Variants in GALNTL6 observed in about 807,000 individuals in gnomAD.
The protein encoded by GALNTL6 is polypeptide N-acetylgalactosaminyltransferase-like 6.
GALNTL6 carries 46 observed loss-of-function variants against 73.7 expected under a neutral mutation model. The observed-to-expected ratio is 0.62, with a 90% confidence interval of 0.49 to 0.80. The LOEUF is 0.80. Ranked by LOEUF, GALNTL6 falls within the 30% of genes least tolerant of loss-of-function variation. The pLI, the probability that GALNTL6 is intolerant of heterozygous loss-of-function variation, is 0.00. For synonymous variants in GALNTL6, 259 were observed against 263.7 expected (o/e 0.98, Z 0.17); for missense variants, 604 against 755.0 (o/e 0.80, Z 2.34).
chr4:172,314,587 C>G (rs1740475938), intron 4 of GALNTL6, among the ~76,000 whole-genome samples: 1 of 146,788 alleles, frequency 6.8e-6, no homozygotes, highest in Non-Finnish European at 1.5e-5. Context: ...TTTCAGAAAT[C>G]CTAATGCGTA....
At chr4:172,226,589 C>CTG (rs150604186) in intron 2 of GALNTL6, among the ~76,000 whole-genome samples, 57,163 of 117,490 alleles carry the variant, frequency 0.49, 10,964 homozygotes, top group Admixed American at 0.53. Context: ...GTCTGTGTGT[C>CTG]TGTGTGTGTG....
intron 2 of GALNTL6, among the ~76,000 whole-genome samples, chr4:171,967,167 G>A (rs183288126): frequency 1.9e-4 from 29 of 152,238 alleles, no homozygotes; most frequent in African/African-American, 3.1e-4. Flanking sequence ...AACTGATACC[G>A]TATTGTAAAA....
At chr4:172,923,621 C>T (rs1174068780) in intron 8 of GALNTL6, among the ~76,000 whole-genome samples, 1 of 152,282 alleles carries the variant, frequency 6.6e-6, no homozygotes, top group East Asian at 1.9e-4. Context: ...TCCAACACTG[C>T]CCCATGTGTG....
intron 5 of GALNTL6, among the ~76,000 whole-genome samples, chr4:172,801,276 A>G (rs1467472135): frequency 6.6e-6 from 1 of 152,222 alleles, no homozygotes; most frequent in Non-Finnish European, 1.5e-5. Flanking sequence ...TATTACCAAA[A>G]TGCCAAAATA....
At position 171,984,339 on chromosome 4, in the gene GALNTL6, T is replaced by C. The variant is rs114888081; in HGVS notation, c.138+169621T>C. Among the ~76,000 whole-genome samples the C allele has an allele frequency of 1.8e-3, 281 of 152,288 alleles. 1 individual carries two copies. Among genetic ancestry groups the C allele is most frequent in the African/African-American group, 6.4e-3 (265 of 41,564 alleles). On this transcript the variant is annotated intron_variant, in intron 2 of 12. Coordinates refer to ENST00000506823, the MANE Select transcript of GALNTL6 (RefSeq NM_001034845.3). ...TACCAGCTTCCTGTCTTAAGGGTCT[T>C]GCTTTGCTTTTGGAGCAGAAAGCAG...
chr4:171,982,714 T>C (rs1739942670), intron 2 of GALNTL6, among the ~76,000 whole-genome samples: 1 of 152,206 alleles, frequency 6.6e-6, no homozygotes, highest in Non-Finnish European at 1.5e-5. Context: ...AACATTTGAC[T>C]TACAAAGTTT....
chr4:171,989,335 A>G (rs960028789), intron 2 of GALNTL6, among the ~76,000 whole-genome samples: 1 of 152,192 alleles, frequency 6.6e-6, no homozygotes, highest in Non-Finnish European at 1.5e-5. Flanking sequence ...AGTCAGTCAG[A>G]GAGCCTTGGG....
intron 5 of GALNTL6, among the ~76,000 whole-genome samples, chr4:172,618,668 A>G (rs1738837833): frequency 6.6e-6 from 1 of 152,118 alleles, no homozygotes; most frequent in Admixed American, 6.5e-5. Flanking sequence ...TTCTGTACCT[A>G]GAGATGATGT....
intron 5 of GALNTL6, among the ~76,000 whole-genome samples, chr4:172,651,782 G>T (rs928163228): frequency 2.6e-5 from 4 of 152,190 alleles, no homozygotes; most frequent in African/African-American, 9.7e-5. Flanking sequence ...CTACAACACA[G>T]AAAGTAAAAT....
intron 8 of GALNTL6, among the ~76,000 whole-genome samples, chr4:172,928,419 C>A (rs1382120830): frequency 6.6e-6 from 1 of 152,146 alleles, no homozygotes; most frequent in Non-Finnish European, 1.5e-5. Flanking sequence ...GTGAGCATTA[C>A]ATGAAATAAT....
chr4:172,123,828 TA>T (rs1273281854), intron 2 of GALNTL6, among the ~76,000 whole-genome samples: 1 of 152,190 alleles, frequency 6.6e-6, no homozygotes, highest in Non-Finnish European at 1.5e-5. Flanking sequence ...ATCAGTTAAT[TA>T]ATCTCTGTAA....
intron 8 of GALNTL6, among the ~76,000 whole-genome samples, chr4:172,911,354 T>G (rs1747191802): frequency 6.6e-6 from 1 of 152,202 alleles, no homozygotes; most frequent in Admixed American, 6.5e-5. Flanking sequence ...TCTAAAATAT[T>G]TTATATACCT....
chr4:172,942,589 A>T (rs1748966512), intron 9 of GALNTL6, among the ~76,000 whole-genome samples: 1 of 152,176 alleles, frequency 6.6e-6, no homozygotes, highest in Admixed American at 6.6e-5. Context: ...AACCATCTGT[A>T]GACATTCCCA....
intron 5 of GALNTL6, among the ~76,000 whole-genome samples, chr4:172,408,132 C>T (rs927098379): frequency 6.6e-6 from 1 of 151,986 alleles, no homozygotes; most frequent in African/African-American, 2.4e-5. Flanking sequence ...CTTGGCATCC[C>T]TTATTTTTAT....
intron 5 of GALNTL6, among the ~76,000 whole-genome samples, chr4:172,541,356 A>T (rs868716252): frequency 2.6e-5 from 4 of 152,314 alleles, no homozygotes; most frequent in Middle Eastern, 3.4e-3. Context: ...AGGGAGTATA[A>T]CTATTATTGG....
intron 2 of GALNTL6, among the ~76,000 whole-genome samples, chr4:171,973,459 C>T (rs2111067948): frequency 6.6e-6 from 1 of 152,236 alleles, no homozygotes; most frequent in South Asian, 2.1e-4. Flanking sequence ...GGTTCCTTGG[C>T]TTGTGGCAGC....
intron 5 of GALNTL6, among the ~76,000 whole-genome samples, chr4:172,736,860 G>T (rs968155185): frequency 1.2e-4 from 19 of 152,274 alleles, no homozygotes; most frequent in African/African-American, 4.3e-4. Flanking sequence ...GTTCTTCTGA[G>T]AGTGTATAAG....
intron 5 of GALNTL6, among the ~76,000 whole-genome samples, chr4:172,724,254 T>C (rs962725429): frequency 1.3e-5 from 2 of 152,216 alleles, no homozygotes; most frequent in African/African-American, 4.8e-5. Flanking sequence ...ACCCACATCA[T>C]CAGTCCTTTA....
At chr4:172,362,170 C>A (rs1021023840) in intron 5 of GALNTL6, among the ~76,000 whole-genome samples, 1 of 152,056 alleles carries the variant, frequency 6.6e-6, no homozygotes, top group Non-Finnish European at 1.5e-5. Context: ...TCCTTTTATA[C>A]CTTTACAAAG....
Sources: allele counts gnomAD v4.1 joint callset (sites outside exome capture counted in the v4.1 genomes callset), GRCh38; gene constraint gnomAD v4.1.1; transcripts MANE v1.5; gene names NCBI Gene and HGNC (gene_info 2026-07-23, HGNC 2026-07-21).